Variants in ST3GAL6 observed in about 807,000 individuals in gnomAD.
ST3GAL6 encodes the protein ST3 beta-galactoside alpha-2,3-sialyltransferase 6, also known as type 2 lactosamine alpha-2,3-sialyltransferase.
ST3GAL6 carries 31 observed loss-of-function variants against 40.5 expected under a neutral mutation model. The ratio of observed to expected loss-of-function variants is 0.77; its 90% CI spans 0.58 to 1.03. The LOEUF is 1.03. Ranked by LOEUF, ST3GAL6 falls within the 50% of genes least tolerant of loss-of-function variation. The probability of loss-of-function intolerance (pLI) is 0.00; values close to 1 mark genes in which losing one functional copy is unlikely to be tolerated. For synonymous variants in ST3GAL6, 129 were observed against 136.9 expected, an observed-to-expected ratio of 0.94 and a Z score of 0.40; for missense variants, 357 against 393.2, an observed-to-expected ratio of 0.91 and a Z score of 0.78.
intron 1 of ST3GAL6, among the ~76,000 whole-genome samples, chr3:98,766,551 G>A (rs1576081753): frequency 6.6e-6 from 1 of 151,452 alleles, no homozygotes; most frequent in Non-Finnish European, 1.5e-5. Context: ...CTCCTGAATG[G>A]GTGGGATTGC....
At chr3:98,768,766 C>A (rs1438844953) in intron 2 of ST3GAL6, among the ~76,000 whole-genome samples, 2 of 152,154 alleles carry the variant, frequency 1.3e-5, no homozygotes, top group African/African-American at 4.8e-5. Flanking sequence ...ATGGTGTTAA[C>A]CATCTTTGGG....
At chr3:98,760,466 A>C (rs1350731602), upstream of ST3GAL6, among the ~76,000 whole-genome samples, 2 of 152,224 alleles carry the variant, frequency 1.3e-5, no homozygotes, top group African/African-American at 4.8e-5. Context: ...CAGCTCCTTC[A>C]CCAGACTGTG....
chr3:98,789,443 C>G (rs375667833), intron 8 of ST3GAL6, among the ~76,000 whole-genome samples: 1 of 152,096 alleles, frequency 6.6e-6, no homozygotes, highest in East Asian at 1.9e-4. Context: ...AACACATAAT[C>G]TTTTTGTTTG....
intron 1 of ST3GAL6, among the ~76,000 whole-genome samples, chr3:98,739,165 A>G (rs1935839955): frequency 6.6e-6 from 1 of 152,230 alleles, no homozygotes; most frequent in Non-Finnish European, 1.5e-5. Flanking sequence ...ACAAAGATAC[A>G]GTATACCAGA....
chr3:98,788,286 ACAGC>A lies in ST3GAL6; in HGVS notation c.619-37_619-34del, dbSNP rs201214347. 9,098 of 1,587,262 alleles carry A rather than the reference ACAGC, an allele frequency of 5.7e-3. 411 individuals are homozygous for A. In the African/African-American group the frequency reaches 0.11, roughly 19 times the overall value. Reference sequence around the variant, plus strand: ...AGTGCTTTTTTTCCTTAAAAAACAGACAGCCACACTGTTCTATTCTCTATATTTT... The same window carrying A: ...AGTGCTTTTTTTCCTTAAAAAACAGACACACTGTTCTATTCTCTATATTTT... On this transcript the variant is annotated intron_variant, in intron 7 of 9. Transcript: ENST00000483910.
chr3:98,765,783 T>C (rs1277755299), intron 1 of ST3GAL6, among the ~76,000 whole-genome samples: 1 of 152,204 alleles, frequency 6.6e-6, no homozygotes, highest in Non-Finnish European at 1.5e-5. Context: ...TTTTTTTTGG[T>C]AATCAAAGCT....
At chr3:98,780,657 G>A (rs1412555061) in intron 5 of ST3GAL6, among the ~76,000 whole-genome samples, 6 of 152,196 alleles carry the variant, frequency 3.9e-5, no homozygotes, top group African/African-American at 1.4e-4. Context: ...GAAGAGATCT[G>A]CCTGAAACCC....
upstream of ST3GAL6, chr3:98,763,057 A>T: frequency 1.0e-6 from 1 of 985,416 alleles, no homozygotes; most frequent in Non-Finnish European, 1.2e-6. Context: ...ATTGAGGAGG[A>T]CTGAGGCCTT....
In ST3GAL6 at chr3:98,788,300, C is replaced by G. The variant is rs763162135; in HGVS notation, c.619-26C>G. 3 of 1,600,080 alleles carry G rather than the reference C, an allele frequency of 1.9e-6. No homozygotes were observed. The Admixed American group carries it at 5.2e-5, about 28-fold the overall frequency. On this transcript the variant is annotated intron_variant, in intron 7 of 9. Transcript: ENST00000483910. ...TTAAAAAACAGACAGCCACACTGTT[C>G]TATTCTCTATATTTTTTACTTTCAG...
At chr3:98,781,900 A>G (rs1295373625) in intron 5 of ST3GAL6, among the ~76,000 whole-genome samples, 1 of 152,150 alleles carries the variant, frequency 6.6e-6, no homozygotes, top group Non-Finnish European at 1.5e-5. Flanking sequence ...CCTAGTGGAG[A>G]TGGAGCCAGC....
At chr3:98,781,071 A>G (rs149623211) in intron 5 of ST3GAL6, among the ~76,000 whole-genome samples, 106 of 152,308 alleles carry the variant, frequency 7.0e-4, no homozygotes, top group Non-Finnish European at 1.4e-3. Flanking sequence ...AAGACTTGGA[A>G]CCAACCCAAA....
chr3:98,763,415 A>C lies in ST3GAL6; in HGVS notation c.-36A>C. 1 of 1,289,800 alleles carries C rather than the reference A, an allele frequency of 7.8e-7. No homozygotes were observed. Among genetic ancestry groups the C allele is most frequent in the East Asian group, 5.6e-5 (1 of 18,016 alleles). The allele number at this position is 1,289,800 out of a possible 1,614,324, so 79.9% of individuals were successfully genotyped here. A position where few individuals can be genotyped will look rare whatever the true frequency, so the allele number is the denominator to read the frequency against. The stretch of plus-strand genomic sequence containing the variant: ...GGGCTGAATGGACACAGGTGTCAGC[A>C]GGGCCACCTGGTAAAGGTATGGAGG... On this transcript the variant is annotated 5_prime_UTR_variant, in exon 1 of 10. Transcript: ENST00000483910.
In ST3GAL6 at chr3:98,756,355, A is replaced by G. The variant is rs371843628; in HGVS notation, c.-11-12075A>G. The stretch of plus-strand genomic sequence containing the variant: ...CCATTCTTAGAAACATACTATCTTT[A>G]TGTTTTATTTCAGCATTTGCAAGTG... On this transcript the variant is annotated intron_variant, in intron 1 of 9. Coordinates refer to the ST3GAL6 transcript ENST00000265261. The G allele has an allele frequency of 3.3e-5, 42 of 1,289,526 alleles. No homozygotes were observed. The East Asian group carries it at 3.3e-4, about 10-fold the overall frequency. The allele number at this position is 1,289,526 out of a possible 1,614,324, so 79.9% of individuals were successfully genotyped here.
intron 1 of ST3GAL6, chr3:98,733,614 G>A: frequency 1.0e-6 from 1 of 985,226 alleles, no homozygotes. Flanking sequence ...CAGTGTTTGG[G>A]CTGCTGTTAA....
chr3:98,735,798 T>C (rs886379234), intron 1 of ST3GAL6, among the ~76,000 whole-genome samples: 1 of 147,218 alleles, frequency 6.8e-6, no homozygotes, highest in East Asian at 2.0e-4. Context: ...AATGTATACA[T>C]TGGATATTAT....
intron 2 of ST3GAL6, among the ~76,000 whole-genome samples, chr3:98,769,784 C>T (rs1938771396): frequency 6.6e-6 from 1 of 150,728 alleles, no homozygotes; most frequent in Admixed American, 6.7e-5. Flanking sequence ...TAAAAAGTCA[C>T]CCAAAGGTTG....
Position 98,769,109 on chromosome 3 carries a change from G to A in ST3GAL6, c.89+580G>A, listed in dbSNP as rs73136010. 5.3e-3 allele frequency among the ~76,000 whole-genome samples: 810 copies of A among 152,180 alleles called. 3 individuals are homozygous for A. Among genetic ancestry groups the A allele is most frequent in the Non-Finnish European group, 8.7e-3 (590 of 67,984 alleles). ...TTTTGATGACCTTTAAATCCCAAGC[G>A]GGTGGCAGTACATAATTATGCTAAA... is the stretch of plus-strand genomic sequence containing the variant. On this transcript the variant is annotated intron_variant, in intron 2 of 9. Coordinates refer to ENST00000483910, the MANE Select transcript of ST3GAL6 (RefSeq NM_001323368.2).
intron 3 of ST3GAL6, among the ~76,000 whole-genome samples, chr3:98,772,047 G>T (rs1187843994): frequency 6.6e-6 from 1 of 152,142 alleles, no homozygotes; most frequent in Non-Finnish European, 1.5e-5. Flanking sequence ...AGGTTAAAAT[G>T]CTACTCTAGA....
At chr3:98,778,505 C>T (rs1231771340) in intron 5 of ST3GAL6, among the ~76,000 whole-genome samples, 1 of 152,300 alleles carries the variant, frequency 6.6e-6, no homozygotes, top group African/African-American at 2.4e-5. Flanking sequence ...GGGGAAGTTG[C>T]GATTCTACAT....
Sources: gnomAD v4.1 joint callset for allele counts (sites outside exome capture counted in the v4.1 genomes callset) on GRCh38, gnomAD v4.1.1 for gene constraint, MANE v1.5 for transcripts, NCBI Gene and HGNC (gene_info 2026-07-23, HGNC 2026-07-21) for gene names.